The following TRPM8 variants were observed in gnomAD, a reference collection of about 807,000 sequenced individuals.
The protein encoded by TRPM8 is transient receptor potential cation channel subfamily M member 8, also known as TRPM8 cationic channel.
In TRPM8, 110 loss-of-function variants were observed where a neutral mutation model predicts 133.7. The observed-to-expected ratio is 0.82, with a 90% CI of 0.70 to 0.96. The LOEUF (loss-of-function observed/expected upper bound fraction) is 0.96, where lower values mean the gene tolerates loss of function less well. Ranked by LOEUF, TRPM8 falls within the 40% of genes least tolerant of loss-of-function variation. The pLI, the probability that TRPM8 is intolerant of heterozygous loss-of-function variation, is 0.00. For synonymous variants in TRPM8, 535 were observed against 532.3 expected (o/e 1.01, Z -0.07); for missense variants, 1,291 against 1,379.5 (o/e 0.94, Z 1.02).
At chr2:233,954,796 T>C in intron 10 of TRPM8, among the ~76,000 whole-genome samples, 1 of 152,236 alleles carries the variant, frequency 6.6e-6, no homozygotes, top group Non-Finnish European at 1.5e-5. Flanking sequence ...TTCGTAGATT[T>C]AGATGTAGCA....
At chr2:233,982,364 G>C (rs1418755454) in intron 19 of TRPM8, among the ~76,000 whole-genome samples, 1 of 152,178 alleles carries the variant, frequency 6.6e-6, no homozygotes, top group Non-Finnish European at 1.5e-5. Flanking sequence ...AAAGGCTATA[G>C]CAGTCTCGTT....
At chr2:233,998,595 AGCTTGTGCCCATCCAGTTAGAGTGAGCC>A (rs1692468061) in intron 22 of TRPM8, among the ~76,000 whole-genome samples, 6 of 151,286 alleles carry the variant, frequency 4.0e-5, no homozygotes, top group Non-Finnish European at 5.9e-5. Flanking sequence ...TTAGGGTGCC[AGCTTGTGCCCATCCAGTTAGAGTGAGCC>A]GCTTGTGCCC....
chr2:233,999,389 TC>T (rs1416368461), intron 22 of TRPM8, among the ~76,000 whole-genome samples: 15 of 152,192 alleles, frequency 9.9e-5, no homozygotes, highest in Non-Finnish European at 1.5e-5. Flanking sequence ...TCAGATGACG[TC>T]ACTTCTGCTG....
intron 22 of TRPM8, among the ~76,000 whole-genome samples, chr2:234,002,148 G>A (rs1692581929): frequency 6.6e-6 from 1 of 151,924 alleles, no homozygotes; most frequent in Admixed American, 6.6e-5. Context: ...GAATATTCAA[G>A]CTGAGACCCA....
chr2:233,949,545 G>A (rs1303466233), intron 8 of TRPM8, among the ~76,000 whole-genome samples: 4 of 152,196 alleles, frequency 2.6e-5, no homozygotes, highest in Non-Finnish European at 5.9e-5. Context: ...TCAAAAGTAT[G>A]AGTATTGGTT....
At chr2:233,922,460 G>T (rs1377250681) in intron 1 of TRPM8, among the ~76,000 whole-genome samples, 1 of 151,672 alleles carries the variant, frequency 6.6e-6, no homozygotes, top group Non-Finnish European at 1.5e-5. Context: ...TTTCTCTTTG[G>T]TTCCTTTGCT....
intron 1 of TRPM8, among the ~76,000 whole-genome samples, chr2:233,921,631 T>C (rs920338669): frequency 6.2e-5 from 9 of 145,738 alleles, no homozygotes; most frequent in Admixed American, 3.3e-4. Flanking sequence ...CATTTTCTTT[T>C]TTCTTTTCTT....
At position 233,954,260 on chromosome 2, in the gene TRPM8, AG is replaced by A. The variant is rs1301328086; in HGVS notation, c.1243+242del. Among the ~76,000 whole-genome samples the A allele has an allele frequency of 2.0e-5, 3 of 152,366 alleles. No individual in the cohort carries two copies. In the East Asian group the frequency reaches 5.8e-4, roughly 29 times the overall value. ...TAAAATACTGGTCAAACAAAATCGC[AG>A]TAGTCTCCAAAGAGCTATTTCTAAC... On this transcript the variant is annotated intron_variant, in intron 10 of 25. Transcript: ENST00000324695.
At chr2:233,956,450 T>C (rs113853961) in intron 11 of TRPM8, among the ~76,000 whole-genome samples, 11 of 152,236 alleles carry the variant, frequency 7.2e-5, no homozygotes, top group Non-Finnish European at 1.5e-4. Context: ...AGGAGCCTTG[T>C]TCAATGAAAA....
chr2:233,922,612 C>A (rs1691433007), intron 1 of TRPM8, among the ~76,000 whole-genome samples: 1 of 152,166 alleles, frequency 6.6e-6, no homozygotes, highest in Non-Finnish European at 1.5e-5. Context: ...CCCTGTCTCC[C>A]TTTCCAGAGC....
chr2:233,937,309 T>G, intron 3 of TRPM8, 44 bp from the exon 4 acceptor site: 1 of 1,606,784 alleles, frequency 6.2e-7, no homozygotes, highest in Non-Finnish European at 8.5e-7. Flanking sequence ...ATAAGCAGGC[T>G]CAATGAAATC....
chr2:233,974,933 A>C (rs1691830858), intron 17 of TRPM8, among the ~76,000 whole-genome samples: 1 of 152,084 alleles, frequency 6.6e-6, no homozygotes, highest in South Asian at 2.1e-4. Flanking sequence ...GTGGGGAGGG[A>C]GAAAAAACCA....
intron 5 of TRPM8, 88 bp downstream of exon 5, chr2:233,939,263 C>A: frequency 7.0e-7 from 1 of 1,428,046 alleles, no homozygotes; most frequent in South Asian, 1.3e-5. Flanking sequence ...TGTGCAATTC[C>A]GGAGAATCCG....
intron 7 of TRPM8, 130 bp from the exon 8 acceptor site, chr2:233,946,958 T>C (rs1219785847): frequency 8.2e-6 from 6 of 734,964 alleles, no homozygotes; most frequent in Middle Eastern, 2.4e-4. Flanking sequence ...AATGTTCAAG[T>C]CCGTGAGATG....
At chr2:234,007,100 G>A in intron 23 of TRPM8, 148 bp downstream of exon 23, 2 of 593,704 alleles carry the variant, frequency 3.4e-6, no homozygotes, top group African/African-American at 1.9e-5. Context: ...GGCAATTGAA[G>A]ATGACAAACG....
chr2:233,942,938 A>T (rs1690946615), intron 6 of TRPM8, 190 bp downstream of exon 6: 2 of 630,004 alleles, frequency 3.2e-6, no homozygotes, highest in Non-Finnish European at 5.6e-6. Context: ...ACTGCTGGGA[A>T]AGAGTTAACA....
rs201197020 is a variant in TRPM8 at position 234,019,376 on chromosome 2, C to T, written c.*2120C>T. The T allele has an allele frequency of 2.6e-5, 4 of 152,136 alleles. No individual in the cohort carries two copies. Among genetic ancestry groups the T allele is most frequent in the African/African-American group, 4.8e-5 (2 of 41,430 alleles). 9.4% of individuals were successfully genotyped at this position (152,136 alleles called of 1,614,324 possible). A position where few individuals can be genotyped will look rare whatever the true frequency, so the allele number is the denominator to read the frequency against. Reference sequence around the variant, plus strand: ...AAATCATTATTTTTAGTGTAGTTCACAATAATGTATTGAACATACTTCTAA... The same window carrying T: ...AAATCATTATTTTTAGTGTAGTTCATAATAATGTATTGAACATACTTCTAA... On this transcript the variant is annotated 3_prime_UTR_variant, in exon 26 of 26. Transcript: ENST00000324695.
intron 20 of TRPM8, among the ~76,000 whole-genome samples, chr2:233,984,165 G>T (rs1054587021): frequency 6.6e-6 from 1 of 152,188 alleles, no homozygotes; most frequent in African/African-American, 2.4e-5. Context: ...CTCATGTGCT[G>T]TGTGCCCCCG....
rs1692980816 is a variant in TRPM8 at position 234,017,337 on chromosome 2, A to ATTTATTATTAAATATTAAAATAT, written c.*81_*82insTTTATTATTAAATATTAAAATAT. ...ATGCTGATGAACAATTTTGCTATCG[A>ATTTATTATTAAATATTAAAATAT]CTACTAAATGAGAGATTTTCAGACC... On this transcript the variant is annotated 3_prime_UTR_variant, in exon 26 of 26. Coordinates refer to ENST00000324695, the MANE Select transcript of TRPM8 (RefSeq NM_024080.5). 2.1e-6 allele frequency: 1 copy of ATTTATTATTAAATATTAAAATAT among 471,270 alleles called. No homozygotes were observed. Among genetic ancestry groups the ATTTATTATTAAATATTAAAATAT allele is most frequent in the African/African-American group, 2.0e-5 (1 of 50,074 alleles). 29.2% of individuals were successfully genotyped at this position (471,270 alleles called of 1,614,324 possible).
Sources: gnomAD v4.1 joint callset for allele counts (sites outside exome capture counted in the v4.1 genomes callset) on GRCh38, gnomAD v4.1.1 for gene constraint, MANE v1.5 for transcripts, NCBI Gene and HGNC (gene_info 2026-07-23, HGNC 2026-07-21) for gene names.